The following CAMTA1 variants were observed in gnomAD, a reference collection of about 807,000 sequenced individuals.
The protein encoded by CAMTA1 is calmodulin-binding transcription activator 1.
A neutral mutation model predicts 170.9 loss-of-function variants in CAMTA1; 27 were observed. The observed-to-expected ratio is 0.16, with a 90% CI of 0.12 to 0.22. The LOEUF is 0.22. CAMTA1 is among the 10% of genes least tolerant of loss of function. The pLI is 1.00. For missense variants in CAMTA1, 1,619 were observed against 2,217.2 expected (o/e 0.73, Z 5.42); for synonymous variants, 833 against 891.5 (o/e 0.93, Z 1.17).
At chr1:7,165,986 T>C (rs1469151772) in intron 4 of CAMTA1, among the ~76,000 whole-genome samples, 3 of 152,200 alleles carry the variant, frequency 2.0e-5, no homozygotes, top group East Asian at 3.8e-4. Context: ...AGTTCACTTA[T>C]TTTAACTGCT....
At chr1:6,882,512 T>A (rs1571333983) in intron 3 of CAMTA1, among the ~76,000 whole-genome samples, 1 of 152,212 alleles carries the variant, frequency 6.6e-6, no homozygotes, top group African/African-American at 2.4e-5. Context: ...ATGACTGTGT[T>A]TTTGCACTGA....
chr1:7,047,719 CTCTT>C (rs1558021468), intron 3 of CAMTA1, among the ~76,000 whole-genome samples: 3 of 138,542 alleles, frequency 2.2e-5, no homozygotes, highest in African/African-American at 6.5e-5. Context: ...CTCTCTCTCT[CTCTT>C]TTTTTTTTTT....
At chr1:7,378,890 G>A (rs1013248535) in intron 5 of CAMTA1, among the ~76,000 whole-genome samples, 1 of 152,116 alleles carries the variant, frequency 6.6e-6, no homozygotes, top group Non-Finnish European at 1.5e-5. Context: ...TTCCTGGGAG[G>A]GACTTTATTC....
Position 7,069,873 on chromosome 1 carries a change from G to A in CAMTA1, c.235-21431G>A, listed in dbSNP as rs187721358. The stretch of plus-strand genomic sequence containing the variant: ...TAAAATTAAACAGTATTAACCACAG[G>A]CCCAAATTGCACCTATATTTTAAAA... On this transcript the variant is annotated intron_variant, in intron 3 of 22. Transcript: ENST00000303635. Among the ~76,000 whole-genome samples the A allele has an allele frequency of 1.5e-4, 23 of 152,336 alleles. No homozygotes were observed. The East Asian group carries it at 4.0e-3, about 27-fold the overall frequency.
intron 3 of CAMTA1, among the ~76,000 whole-genome samples, chr1:6,979,668 C>G (rs11120801): frequency 2.0e-5 from 3 of 152,130 alleles, no homozygotes; most frequent in Non-Finnish European, 4.4e-5. Flanking sequence ...CACTTAGAGG[C>G]GTTCTTAGAA....
At chr1:7,484,616 C>G (rs912687115) in intron 6 of CAMTA1, among the ~76,000 whole-genome samples, 1 of 152,032 alleles carries the variant, frequency 6.6e-6, no homozygotes, top group African/African-American at 2.4e-5. Flanking sequence ...GGTGAAATCC[C>G]GTCTCTACTA....
chr1:7,616,555 A>G (rs2095560194), intron 6 of CAMTA1, among the ~76,000 whole-genome samples: 1 of 152,240 alleles, frequency 6.6e-6, no homozygotes, highest in Non-Finnish European at 1.5e-5. Flanking sequence ...CTGAAAAGGA[A>G]GCCGGGCCTC....
intron 5 of CAMTA1, among the ~76,000 whole-genome samples, chr1:7,438,509 C>A (rs2092418835): frequency 6.6e-6 from 1 of 152,136 alleles, no homozygotes; most frequent in South Asian, 2.1e-4. Context: ...AATCTCTATC[C>A]TCACCCTGAG....
At chr1:7,439,216 A>G (rs1244436912) in intron 5 of CAMTA1, among the ~76,000 whole-genome samples, 1 of 151,984 alleles carries the variant, frequency 6.6e-6, no homozygotes, top group Admixed American at 6.5e-5. Flanking sequence ...CAGGCTCCCC[A>G]TTTCTGTCAT....
At chr1:7,061,816 C>T (rs1342862763) in intron 3 of CAMTA1, among the ~76,000 whole-genome samples, 1 of 152,004 alleles carries the variant, frequency 6.6e-6, no homozygotes, top group Non-Finnish European at 1.5e-5. Flanking sequence ...GAGGAGGGAG[C>T]TGGGAAGAAG....
At chr1:7,558,572 C>T (rs927795019) in intron 6 of CAMTA1, among the ~76,000 whole-genome samples, 3 of 152,254 alleles carry the variant, frequency 2.0e-5, no homozygotes, top group Admixed American at 2.0e-4. Flanking sequence ...GGATTAAGTC[C>T]ACTAGGGCTG....
chr1:7,409,127 TC>T (rs1216991509), intron 5 of CAMTA1, among the ~76,000 whole-genome samples: 1 of 152,116 alleles, frequency 6.6e-6, no homozygotes, highest in Non-Finnish European at 1.5e-5. Context: ...GGCTCTGACC[TC>T]CCAGCAGTGA....
chr1:7,352,394 G>C (rs1021090048), intron 5 of CAMTA1, among the ~76,000 whole-genome samples: 1 of 152,208 alleles, frequency 6.6e-6, no homozygotes, highest in Admixed American at 6.5e-5. Context: ...GGAAGATTCT[G>C]CAGGTTGGAT....
chr1:7,178,429 T>G (rs542463061), intron 4 of CAMTA1, among the ~76,000 whole-genome samples: 1 of 152,290 alleles, frequency 6.6e-6, no homozygotes, highest in South Asian at 2.1e-4. Context: ...CATCTTCGGC[T>G]CTGTGTTGGG....
chr1:7,408,102 G>A (rs190464618), intron 5 of CAMTA1, among the ~76,000 whole-genome samples: 20 of 152,320 alleles, frequency 1.3e-4, no homozygotes, highest in Non-Finnish European at 2.5e-4. Flanking sequence ...CTCCGTCCAG[G>A]AGGCATCTCA....
chr1:7,625,447 A>G (rs529566141), intron 6 of CAMTA1, among the ~76,000 whole-genome samples: 1 of 152,332 alleles, frequency 6.6e-6, no homozygotes, highest in East Asian at 1.9e-4. Context: ...GCCTCTAAGC[A>G]GGATGCTTAG....
At chr1:7,004,312 A>C (rs186372138) in intron 3 of CAMTA1, among the ~76,000 whole-genome samples, 29 of 152,216 alleles carry the variant, frequency 1.9e-4, no homozygotes. Flanking sequence ...AGACTTTTGC[A>C]TGAGGCAGCT....
chr1:7,256,992 C>T (rs187344577), intron 5 of CAMTA1, among the ~76,000 whole-genome samples: 1 of 149,808 alleles, frequency 6.7e-6, no homozygotes, highest in East Asian at 1.9e-4. Context: ...TTTATCAGGG[C>T]ACAAACAAAC....
chr1:7,483,670 C>A (rs2093573032), intron 6 of CAMTA1, among the ~76,000 whole-genome samples: 1 of 152,188 alleles, frequency 6.6e-6, no homozygotes, highest in Non-Finnish European at 1.5e-5. Context: ...TTGCTGACCC[C>A]AGGACAGGGC....
Sources: allele counts gnomAD v4.1 joint callset (sites outside exome capture counted in the v4.1 genomes callset), GRCh38; gene constraint gnomAD v4.1.1; transcripts MANE v1.5; gene names NCBI Gene and HGNC (gene_info 2026-07-23, HGNC 2026-07-21).